CACNA1E: variants seen among roughly 807,000 people sequenced by gnomAD.
CACNA1E encodes the protein calcium voltage-gated channel subunit alpha1 E, also known as voltage-dependent R-type calcium channel subunit alpha-1E.
Under a neutral mutation model 259.2 loss-of-function variants are expected in CACNA1E, and 40 were observed. The ratio of observed to expected loss-of-function variants is 0.15; its 90% CI spans 0.12 to 0.20. The LOEUF (loss-of-function observed/expected upper bound fraction) is 0.20. Ranked by LOEUF, CACNA1E falls within the 10% of genes least tolerant of loss-of-function variation. The pLI, the probability that CACNA1E is intolerant of heterozygous loss-of-function variation, is 1.00. For synonymous variants in CACNA1E, 1,104 were observed against 1,138.5 expected (o/e 0.97, Z 0.61); for missense variants, 1,874 against 3,040.1 (o/e 0.62, Z 9.02).
At chr1:181,703,497 C>T (rs1034406287) in intron 7 of CACNA1E, among the ~76,000 whole-genome samples, 1 of 152,132 alleles carries the variant, frequency 6.6e-6, no homozygotes, top group Non-Finnish European at 1.5e-5. Context: ...AGGTTAAAAA[C>T]CGAAACAGGA....
chr1:181,781,360 T>C, intron 38 of CACNA1E, 67 bp from the exon 39 acceptor site: 1 of 754,474 alleles, frequency 1.3e-6, no homozygotes, highest in Non-Finnish European at 2.4e-6. Context: ...CACTTCCTTC[T>C]CCTTTCCCTG....
chr1:181,697,613 CT>C (rs2102356718), intron 7 of CACNA1E, among the ~76,000 whole-genome samples: 1 of 152,264 alleles, frequency 6.6e-6, no homozygotes, highest in South Asian at 2.1e-4. Flanking sequence ...TGTGTTTATA[CT>C]TTTGTAAAAT....
At chr1:181,752,393 T>C (rs1250438785) in intron 27 of CACNA1E, among the ~76,000 whole-genome samples, 154 bp downstream of exon 27, 1 of 152,252 alleles carries the variant, frequency 6.6e-6, no homozygotes, top group African/African-American at 2.4e-5. Flanking sequence ...CTAAAGGTCT[T>C]AGTTTCAAAG....
intron 2 of CACNA1E, among the ~76,000 whole-genome samples, chr1:181,473,118 A>T (rs1662618784): frequency 6.6e-6 from 1 of 152,224 alleles, no homozygotes; most frequent in Admixed American, 6.5e-5. Context: ...TGAACACCGC[A>T]TAGTATTTGT....
At chr1:181,777,630 T>C (rs1660076662) in intron 38 of CACNA1E, among the ~76,000 whole-genome samples, 1 of 152,216 alleles carries the variant, frequency 6.6e-6, no homozygotes, top group African/African-American at 2.4e-5. Context: ...TTCAGCTCCA[T>C]GGCCTTGGAC....
intron 3 of CACNA1E, among the ~76,000 whole-genome samples, chr1:181,515,669 C>T (rs1050434523): frequency 6.6e-6 from 1 of 152,162 alleles, no homozygotes; most frequent in Admixed American, 6.5e-5. Flanking sequence ...CACTATTACA[C>T]ATTAGTCAAG....
At chr1:181,553,317 G>A (rs553319518) in intron 3 of CACNA1E, among the ~76,000 whole-genome samples, 2 of 152,234 alleles carry the variant, frequency 1.3e-5, no homozygotes, top group South Asian at 4.1e-4. Flanking sequence ...TATTATTGGT[G>A]TATAGGAATG....
intron 1 of CACNA1E, among the ~76,000 whole-genome samples, chr1:181,330,685 G>A (rs1651192428): frequency 6.6e-6 from 1 of 152,192 alleles, no homozygotes; most frequent in African/African-American, 2.4e-5. Flanking sequence ...CCAACGTAGT[G>A]TCAGAAAAGC....
At chr1:181,703,831 G>A (rs897637603) in intron 7 of CACNA1E, among the ~76,000 whole-genome samples, 1 of 152,210 alleles carries the variant, frequency 6.6e-6, no homozygotes, top group Non-Finnish European at 1.5e-5. Flanking sequence ...CAGGTGATCT[G>A]TCAGGTTCCC....
intron 35 of CACNA1E, among the ~76,000 whole-genome samples, chr1:181,769,572 G>A (rs771329): frequency 1.3e-5 from 2 of 150,916 alleles, no homozygotes; most frequent in South Asian, 2.1e-4. Flanking sequence ...CACCATGCCC[G>A]GCTTGACTTG....
At chr1:181,623,729 A>G (rs544435058) in intron 6 of CACNA1E, among the ~76,000 whole-genome samples, 71 of 152,338 alleles carry the variant, frequency 4.7e-4, no homozygotes, top group African/African-American at 1.4e-3. Flanking sequence ...TCAAAAAAAC[A>G]TATCTACATA....
At chr1:181,320,812 C>T (rs183343628) in intron 1 of CACNA1E, among the ~76,000 whole-genome samples, 11 of 152,270 alleles carry the variant, frequency 7.2e-5, no homozygotes, top group Middle Eastern at 3.4e-3. Context: ...ATGTTACCCC[C>T]GTTTTTTCTG....
At chr1:181,564,012 C>T (rs1649577852) in intron 3 of CACNA1E, among the ~76,000 whole-genome samples, 1 of 152,206 alleles carries the variant, frequency 6.6e-6, no homozygotes, top group African/African-American at 2.4e-5. Flanking sequence ...TCATGATTAT[C>T]TAAGCATTCA....
intron 6 of CACNA1E, among the ~76,000 whole-genome samples, chr1:181,633,899 C>T (rs1656973586): frequency 6.6e-6 from 1 of 152,212 alleles, no homozygotes; most frequent in South Asian, 2.1e-4. Context: ...AAGGGATTTA[C>T]CCGATGTCAC....
At chr1:181,777,087 C>T (rs1222884718) in intron 38 of CACNA1E, among the ~76,000 whole-genome samples, 1 of 152,100 alleles carries the variant, frequency 6.6e-6, no homozygotes, top group Non-Finnish European at 1.5e-5. Context: ...TTTGCAACAA[C>T]CTATATATTT....
At position 181,766,630 on chromosome 1, in the gene CACNA1E, G is replaced by A; in HGVS notation, c.4881+19G>A. 2 of 1,576,264 alleles carry A rather than the reference G, an allele frequency of 1.3e-6. No homozygotes were observed. The highest frequency in any genetic ancestry group is 1.7e-6 in the Non-Finnish European group (2 of 1,146,792). ...GATGCAGGTGAGCTGGTAAATCAAG[G>A]GCCCGGTGGGGGACAGCTGTTACCC... On this transcript the variant is annotated intron_variant, in intron 35 of 47. Coordinates refer to ENST00000367573, the MANE Select transcript of CACNA1E (RefSeq NM_001205293.3).
At chr1:181,435,900 G>A (rs553328015) in intron 2 of CACNA1E, among the ~76,000 whole-genome samples, 14 of 152,024 alleles carry the variant, frequency 9.2e-5, no homozygotes, top group African/African-American at 2.9e-4. Flanking sequence ...GCAATAAAAT[G>A]CAGCTTTAAA....
chr1:181,648,593 A>G (rs1658492901), intron 6 of CACNA1E, among the ~76,000 whole-genome samples: 1 of 152,176 alleles, frequency 6.6e-6, no homozygotes, highest in South Asian at 2.1e-4. Context: ...CTGTTTCCCA[A>G]ATTTCTTTGG....
Position 181,733,700 on chromosome 1 carries a change from C to T in CACNA1E, c.3212C>T (p.Thr1071Ile), listed in dbSNP as rs541805088. The T allele has an allele frequency of 6.3e-7, 1 of 1,595,250 alleles. No individual in the cohort carries two copies. Among genetic ancestry groups the T allele is most frequent in the South Asian group, 1.1e-5 (1 of 88,130 alleles). The change falls in exon 21 of 48, where the codon ACC becomes ATC. Residue 1071 changes from threonine to isoleucine, a missense_variant. Around this residue, in one of 14 missense-constraint regions of CACNA1E, gnomAD observed 476 missense variants for 514.0 expected, o/e 0.93. Coordinates refer to ENST00000367573, the MANE Select transcript of CACNA1E (RefSeq NM_001205293.3). ...GCCACCACCGAGAGCACCAGCGTCA[C>T]CGTCGCCATCCCCGACGTGGACCCC... is the stretch of plus-strand genomic sequence containing the variant. ...DKATTESTSVTVAIPDVDPLV... is the reference protein window; with the variant it reads ...DKATTESTSVIVAIPDVDPLV...
Sources: gnomAD v4.1 joint callset for allele counts (sites outside exome capture counted in the v4.1 genomes callset) on GRCh38, gnomAD v4.1.1 for gene constraint, gnomAD v4.1.1 regional missense constraint, MANE v1.5 for transcripts, NCBI Gene and HGNC (gene_info 2026-07-23, HGNC 2026-07-21) for gene names.